The following RNF6 variants were observed in gnomAD, a reference collection of about 807,000 sequenced individuals.
The protein encoded by RNF6 is E3 ubiquitin-protein ligase RNF6.
In RNF6, 21 loss-of-function variants were observed where a neutral mutation model predicts 50.1. The ratio of observed to expected loss-of-function variants is 0.42; its 90% CI spans 0.30 to 0.60. RNF6 has a LOEUF of 0.60. Ranked by LOEUF, RNF6 falls within the 20% of genes least tolerant of loss-of-function variation. The pLI is 0.20. For synonymous variants in RNF6, 255 were observed against 291.8 expected, an observed-to-expected ratio of 0.87 and a Z score of 1.29; for missense variants, 698 against 838.2, an observed-to-expected ratio of 0.83 and a Z score of 2.07.
At chr13:26,222,582 C>T (rs1399157350), upstream of RNF6, 2 of 152,338 alleles carry the variant, frequency 1.3e-5, no homozygotes, top group East Asian at 3.9e-4. Context: ...AACGTACTAC[C>T]CAGCCAGGCC....
chr13:26,208,927 T>A (rs918281244), downstream of RNF6, among the ~76,000 whole-genome samples: 3 of 152,126 alleles, frequency 2.0e-5, no homozygotes, highest in Non-Finnish European at 4.4e-5. Flanking sequence ...AGAGTTAGAG[T>A]CATAGAAAGA....
intron 5 of RNF6, among the ~76,000 whole-genome samples, chr13:26,178,966 C>T (rs1004381444): frequency 1.3e-5 from 2 of 152,162 alleles, no homozygotes; most frequent in Non-Finnish European, 2.9e-5. Flanking sequence ...GACAAGCTTA[C>T]CTTCTTTGTT....
Position 26,214,713 on chromosome 13 carries a change from G to C in RNF6, c.1169C>G (p.Ala390Gly). Residue 390 changes from alanine (A) to glycine (G), a missense_variant, in exon 5 of 5, where the codon GCT becomes GGT. Physicochemically the swap from Ala to Gly is moderately conservative, Grantham distance 60 (BLOSUM62 0). Coordinates refer to ENST00000381588, the MANE Select transcript of RNF6 (RefSeq NM_005977.4). Reference protein sequence around the residue: ...EGEESSRSSTAVRRHPTITLD... With the variant: ...EGEESSRSSTGVRRHPTITLD... ...TGTGATTGTTGGATGTCGTCGTACA[G>C]CAGTTGAGGATCTGCTGGATTCTTC... The C allele has an allele frequency of 6.2e-7, 1 of 1,614,220 alleles. No homozygotes were observed. Among genetic ancestry groups the C allele is most frequent in the Non-Finnish European group, 8.5e-7 (1 of 1,180,046 alleles).
chr13:26,134,138 G>A (rs1408587994), intron 5 of RNF6, among the ~76,000 whole-genome samples: 3 of 152,220 alleles, frequency 2.0e-5, no homozygotes, highest in South Asian at 2.1e-4. Flanking sequence ...TGACCCTCCC[G>A]TAGACCTTTC....
chr13:26,137,074 A>T (rs765409671), intron 5 of RNF6, among the ~76,000 whole-genome samples: 11 of 152,174 alleles, frequency 7.2e-5, no homozygotes, highest in Non-Finnish European at 1.5e-4. Flanking sequence ...CTCCTTCGAA[A>T]ATCCTCATTC....
chr13:26,191,134 G>A (rs925810139), intron 5 of RNF6, among the ~76,000 whole-genome samples: 4 of 152,170 alleles, frequency 2.6e-5, no homozygotes, highest in Non-Finnish European at 5.9e-5. Flanking sequence ...GACATTTTAA[G>A]TTGGAGGGCA....
chr13:26,140,159 T>G (rs1291588719), intron 5 of RNF6, among the ~76,000 whole-genome samples: 1 of 152,236 alleles, frequency 6.6e-6, no homozygotes, highest in African/African-American at 2.4e-5. Flanking sequence ...GAATATTAAC[T>G]TTATACAAAT....
intron 5 of RNF6, among the ~76,000 whole-genome samples, chr13:26,174,948 G>A (rs1872879915): frequency 6.6e-6 from 1 of 152,142 alleles, no homozygotes; most frequent in Non-Finnish European, 1.5e-5. Context: ...CCTCTTTAAA[G>A]GCCCTATTTC....
chr13:26,181,514 A>T lies in RNF6; in HGVS notation n.768+33960T>A, dbSNP rs188834961. Among the ~76,000 whole-genome samples the T allele has an allele frequency of 2.6e-5, 4 of 152,256 alleles. No homozygotes were observed. In the East Asian group the frequency reaches 7.7e-4, roughly 29 times the overall value. ...AGCCATAACCACTGCAGGTAGTGTA[A>T]CCCATTGGGTGGAAATGTCCACGTC... is the stretch of plus-strand genomic sequence containing the variant. On this transcript the variant is annotated intron_variant and non_coding_transcript_variant, in intron 5 of 5. Transcript: ENST00000468480.
chr13:26,182,722 T>C (rs997253511), intron 5 of RNF6, among the ~76,000 whole-genome samples: 2 of 152,146 alleles, frequency 1.3e-5, no homozygotes, highest in Non-Finnish European at 2.9e-5. Flanking sequence ...GGAGGATTGC[T>C]TGAGCCTGGG....
At chr13:26,133,119 A>T (rs1870476402) in intron 5 of RNF6, among the ~76,000 whole-genome samples, 1 of 152,212 alleles carries the variant, frequency 6.6e-6, no homozygotes, top group Non-Finnish European at 1.5e-5. Flanking sequence ...AGTCTTTTTC[A>T]CAGAATACAA....
chr13:26,158,295 A>G (rs1392885174), intron 5 of RNF6, among the ~76,000 whole-genome samples: 1 of 152,214 alleles, frequency 6.6e-6, no homozygotes, highest in Non-Finnish European at 1.5e-5. Flanking sequence ...ACCTTGGGTC[A>G]GACGTCTATT....
intron 5 of RNF6, among the ~76,000 whole-genome samples, chr13:26,166,132 C>A (rs143219674): frequency 6.6e-6 from 1 of 152,134 alleles, no homozygotes; most frequent in African/African-American, 2.4e-5. Context: ...ATAAGTCTCA[C>A]GAGATCTGAT....
chr13:26,221,368 T>G (rs901575011), intron 1 of RNF6, 38 bp from the exon 2 acceptor site: 1 of 152,216 alleles, frequency 6.6e-6, no homozygotes, highest in African/African-American at 2.4e-5. Context: ...TTCAATAAAC[T>G]GTTTCTTTAA....
Position 26,215,564 on chromosome 13 carries a change from A to C in RNF6, c.318T>G (p.His106Gln). 1 of 1,607,636 alleles carries C rather than the reference A, an allele frequency of 6.2e-7. No homozygotes were observed. Among genetic ancestry groups the C allele is most frequent in the Non-Finnish European group, 8.5e-7 (1 of 1,179,592 alleles). ...TCAACCATTCTAGAAGAGAATCTTC[A>C]TGTGAACTTTCTCTAGGGACTTCTG... ...RDSEVPRESSHEDSLLEWLNT... is the reference protein window; with the variant it reads ...RDSEVPRESSQEDSLLEWLNT... The change falls in exon 5 of 5, where the codon CAT becomes CAG. Residue 106 changes from histidine (H) to glutamine (Q), a missense_variant. Transcript: ENST00000381588.
intron 5 of RNF6, among the ~76,000 whole-genome samples, chr13:26,179,322 C>T (rs1397280515): frequency 6.6e-6 from 1 of 152,182 alleles, no homozygotes; most frequent in Non-Finnish European, 1.5e-5. Context: ...CAGCAAGAAT[C>T]AACAGAAGCC....
intron 5 of RNF6, among the ~76,000 whole-genome samples, chr13:26,140,217 A>G (rs1257450746): frequency 6.6e-6 from 1 of 152,114 alleles, no homozygotes; most frequent in Non-Finnish European, 1.5e-5. Context: ...TTTTTCCTTT[A>G]ATCAGGTGTT....
chr13:26,133,078 T>C (rs1046418603), intron 5 of RNF6, among the ~76,000 whole-genome samples: 2 of 152,194 alleles, frequency 1.3e-5, no homozygotes, highest in African/African-American at 4.8e-5. Context: ...AGGCAGATTA[T>C]CTTCAAGAGA....
intron 5 of RNF6, among the ~76,000 whole-genome samples, chr13:26,153,366 A>G (rs1434417324): frequency 1.3e-5 from 2 of 151,874 alleles, no homozygotes; most frequent in African/African-American, 2.4e-5. Context: ...GGCATGCACC[A>G]CCACGTCCGG....
Sources: allele counts gnomAD v4.1 joint callset (sites outside exome capture counted in the v4.1 genomes callset), GRCh38; gene constraint gnomAD v4.1.1; transcripts MANE v1.5; gene names NCBI Gene and HGNC (gene_info 2026-07-23, HGNC 2026-07-21).